Variants in NR5A2 observed in about 807,000 individuals in gnomAD.
NR5A2 encodes the protein CYP7A promoter-binding factor.
NR5A2 carries 26 observed loss-of-function variants against 62.7 expected under a neutral mutation model. That is an observed-to-expected ratio of 0.41 (90% CI 0.30 to 0.58). The LOEUF (loss-of-function observed/expected upper bound fraction) is 0.58, where lower values mean the gene tolerates loss of function less well. NR5A2 is among the 20% of genes least tolerant of loss of function. NR5A2 has a pLI of 0.22. For synonymous variants in NR5A2, 246 were observed against 241.7 expected, an observed-to-expected ratio of 1.02 and a Z score of -0.16; for missense variants, 541 against 669.1, an observed-to-expected ratio of 0.81 and a Z score of 2.11.
intron 7 of NR5A2, among the ~76,000 whole-genome samples, chr1:200,166,940 G>A (rs12069085): frequency 0.37 from 55,778 of 152,026 alleles, 12,590 homozygotes; most frequent in African/African-American, 0.65. Flanking sequence ...CATTCTTACT[G>A]ACTTTGAGAT....
intron 2 of NR5A2, among the ~76,000 whole-genome samples, chr1:200,042,143 C>T (rs1662119403): frequency 6.6e-6 from 1 of 152,110 alleles, no homozygotes; most frequent in African/African-American, 2.4e-5. Flanking sequence ...CTGGGAGGAC[C>T]TCGCCTAGCA....
Position 200,043,765 on chromosome 1 carries a change from T to C in NR5A2, c.203-9T>C. ...TGAATATGTGTATACATTTCTCTTT[T>C]TGTTTCAGTGTCTCAATTTAAAATG... is the stretch of plus-strand genomic sequence containing the variant. On this transcript the variant is annotated splice_polypyrimidine_tract_variant and intron_variant, in intron 2 of 7. Transcript: ENST00000367362. The C allele has an allele frequency of 1.9e-6, 3 of 1,559,560 alleles. No homozygotes were observed. The highest frequency in any genetic ancestry group is 2.7e-6 in the Non-Finnish European group (3 of 1,131,834).
chr1:200,055,117 A>G (rs1571723585), intron 5 of NR5A2, among the ~76,000 whole-genome samples: 1 of 150,958 alleles, frequency 6.6e-6, no homozygotes, highest in African/African-American at 2.4e-5. Flanking sequence ...CTGGTCTGGA[A>G]CTCCTGGGTT....
chr1:200,111,430 A>T, intron 6 of NR5A2, 109 bp downstream of exon 6: 1 of 1,195,996 alleles, frequency 8.4e-7, no homozygotes, highest in Non-Finnish European at 1.1e-6. Context: ...AAAGGGAGAG[A>T]TTGGCTGCCA....
intron 7 of NR5A2, among the ~76,000 whole-genome samples, chr1:200,122,867 T>C (rs1666539617): frequency 6.6e-6 from 1 of 152,204 alleles, no homozygotes. Flanking sequence ...AAGTAACCAG[T>C]AGTAAAATTC....
In NR5A2 at chr1:200,043,739, T is replaced by C. The variant is rs772510778; in HGVS notation, c.203-35T>C. The C allele has an allele frequency of 4.5e-6, 6 of 1,344,850 alleles. No homozygotes were observed. The East Asian group carries it at 1.2e-4, about 26-fold the overall frequency. 83.3% of individuals were successfully genotyped at this position (1,344,850 alleles called of 1,614,324 possible). A position where few individuals can be genotyped will look rare whatever the true frequency, so the allele number is the denominator to read the frequency against. On this transcript the variant is annotated intron_variant, in intron 2 of 7. Coordinates refer to ENST00000367362, the MANE Select transcript of NR5A2 (RefSeq NM_205860.3). ...GGATTAACACCTACATGTAAATTAA[T>C]TGAATATGTGTATACATTTCTCTTT...
At chr1:200,051,519 A>G (rs1273442429) in intron 5 of NR5A2, among the ~76,000 whole-genome samples, 1 of 152,240 alleles carries the variant, frequency 6.6e-6, no homozygotes, top group African/African-American at 2.4e-5. Context: ...AGTCTTTCAT[A>G]GAATACGAAA....
At chr1:200,042,756 A>T (rs1235439651) in intron 2 of NR5A2, 4 of 668,316 alleles carry the variant, frequency 6.0e-6, no homozygotes, top group Non-Finnish European at 7.4e-6. Flanking sequence ...ACCTGTGTGG[A>T]TGTGGAGTCT....
chr1:200,122,759 T>A (rs747606610), intron 7 of NR5A2, among the ~76,000 whole-genome samples: 1 of 152,190 alleles, frequency 6.6e-6, no homozygotes, highest in Non-Finnish European at 1.5e-5. Flanking sequence ...TAAATCCATG[T>A]CTATTTGTTG....
intron 5 of NR5A2, among the ~76,000 whole-genome samples, chr1:200,059,112 A>AAAT (rs1366597598): frequency 1.3e-5 from 2 of 151,868 alleles, no homozygotes; most frequent in South Asian, 2.1e-4. Context: ...TTTGTCTTAA[A>AAAT]AATAATAATA....
At chr1:200,060,923 G>A (rs1332874209) in intron 5 of NR5A2, among the ~76,000 whole-genome samples, 1 of 128,752 alleles carries the variant, frequency 7.8e-6, no homozygotes, top group Non-Finnish European at 1.6e-5. Context: ...CCAAGATGGT[G>A]AAACCCCATC....
chr1:200,149,625 A>T (rs1014467353), intron 7 of NR5A2, among the ~76,000 whole-genome samples: 3 of 152,244 alleles, frequency 2.0e-5, no homozygotes, highest in African/African-American at 7.2e-5. Context: ...GACAGCTGTC[A>T]GCAGTAGCAC....
chr1:200,103,670 G>A (rs1340456596), intron 5 of NR5A2, among the ~76,000 whole-genome samples: 1 of 152,136 alleles, frequency 6.6e-6, no homozygotes, highest in Non-Finnish European at 1.5e-5. Flanking sequence ...CAACAAAGCG[G>A]GTTGCTCGCA....
chr1:200,135,408 C>T (rs1667172049), intron 7 of NR5A2, among the ~76,000 whole-genome samples: 1 of 152,082 alleles, frequency 6.6e-6, no homozygotes, highest in Non-Finnish European at 1.5e-5. Flanking sequence ...GTAATCCCAA[C>T]TACCCGGGAG....
rs1041359636 is a variant in NR5A2 at position 200,078,360 on chromosome 1, T to C, written c.1110+29542T>C. ...ATGAACTAAGGTGCACTTGCCTGTC[T>C]CAACCAGTGAATCAAGACTGATTGT... On this transcript the variant is annotated intron_variant, in intron 5 of 7. Coordinates refer to ENST00000367362, the MANE Select transcript of NR5A2 (RefSeq NM_205860.3). 2.0e-5 allele frequency among the ~76,000 whole-genome samples: 3 copies of C among 152,214 alleles called. No homozygotes were observed. In the East Asian group the frequency reaches 5.8e-4, roughly 29 times the overall value.
At chr1:200,091,100 T>C (rs374723195) in intron 5 of NR5A2, among the ~76,000 whole-genome samples, 19 of 152,170 alleles carry the variant, frequency 1.2e-4, no homozygotes, top group African/African-American at 4.3e-4. Context: ...GGGGAGACCA[T>C]GTCCAAATAA....
chr1:200,034,599 G>C (rs1014948969), intron 1 of NR5A2, among the ~76,000 whole-genome samples: 1 of 133,310 alleles, frequency 7.5e-6, no homozygotes, highest in Non-Finnish European at 1.6e-5. Flanking sequence ...AGGTTGCCCG[G>C]GGGGGTGGGT....
At chr1:200,108,695 C>T (rs923452029) in intron 5 of NR5A2, among the ~76,000 whole-genome samples, 8 of 152,142 alleles carry the variant, frequency 5.3e-5, no homozygotes, top group African/African-American at 1.7e-4. Context: ...CACAGAACAA[C>T]ATAACAAAAC....
intron 7 of NR5A2, among the ~76,000 whole-genome samples, chr1:200,123,624 C>T (rs975322353): frequency 8.5e-5 from 13 of 152,080 alleles, no homozygotes; most frequent in African/African-American, 2.4e-4. Flanking sequence ...GTTCTTAAGG[C>T]GACGGGGATG....
Sources: allele counts gnomAD v4.1 joint callset (sites outside exome capture counted in the v4.1 genomes callset), GRCh38; gene constraint gnomAD v4.1.1; transcripts MANE v1.5; gene names NCBI Gene and HGNC (gene_info 2026-07-23, HGNC 2026-07-21).